The following SMYD3 variants were observed in gnomAD, a reference collection of about 807,000 sequenced individuals.
SMYD3 encodes SET and MYND domain containing 3, also known as histone-lysine N-methyltransferase SMYD3.
Under a neutral mutation model 57.7 loss-of-function variants are expected in SMYD3, and 36 were observed. The observed-to-expected ratio is 0.62, with a 90% CI of 0.48 to 0.82. The LOEUF is 0.82. Ranked by LOEUF, SMYD3 falls within the 40% of genes least tolerant of loss-of-function variation. The pLI, the probability that SMYD3 is intolerant of heterozygous loss-of-function variation, is 0.00. For missense variants in SMYD3, 515 were observed against 538.8 expected (o/e 0.96, Z 0.44); for synonymous variants, 211 against 195.0 (o/e 1.08, Z -0.68).
At chr1:245,791,456 CTG>C (rs574929696) in intron 10 of SMYD3, among the ~76,000 whole-genome samples, 131 of 152,306 alleles carry the variant, frequency 8.6e-4, no homozygotes, top group African/African-American at 2.8e-3. Context: ...CATGGTGACA[CTG>C]TGTCTCTGCT....
At chr1:246,307,019 T>C (rs2064991088) in intron 5 of SMYD3, among the ~76,000 whole-genome samples, 1 of 152,200 alleles carries the variant, frequency 6.6e-6, no homozygotes, top group Non-Finnish European at 1.5e-5. Flanking sequence ...AGCTTTTCAT[T>C]CAGAGCAATA....
At chr1:246,235,198 A>G (rs1247986359) in intron 5 of SMYD3, among the ~76,000 whole-genome samples, 1 of 152,190 alleles carries the variant, frequency 6.6e-6, no homozygotes. Flanking sequence ...AAAAGACAGG[A>G]GTTAATACCG....
At chr1:246,396,956 T>C (rs573974505) in intron 1 of SMYD3, among the ~76,000 whole-genome samples, 77 of 152,294 alleles carry the variant, frequency 5.1e-4, no homozygotes, top group Admixed American at 3.4e-3. Context: ...ACAGCAACAA[T>C]ATTTATTTAC....
chr1:245,933,379 T>C (rs2056831046), intron 5 of SMYD3, among the ~76,000 whole-genome samples: 1 of 152,204 alleles, frequency 6.6e-6, no homozygotes, highest in African/African-American at 2.4e-5. Context: ...ATTTTTACCA[T>C]GTCTTAAAAC....
At chr1:245,951,188 C>T (rs1469284079) in intron 5 of SMYD3, among the ~76,000 whole-genome samples, 1 of 151,972 alleles carries the variant, frequency 6.6e-6, no homozygotes, top group African/African-American at 2.4e-5. Flanking sequence ...AAAATACCAG[C>T]GGAGTCCACG....
At chr1:246,069,185 T>A (rs1295358932) in intron 5 of SMYD3, among the ~76,000 whole-genome samples, 1 of 152,188 alleles carries the variant, frequency 6.6e-6, no homozygotes, top group Non-Finnish European at 1.5e-5. Flanking sequence ...GTCATGACCT[T>A]GTAGCTGCCT....
chr1:246,278,430 T>C (rs931548377), intron 5 of SMYD3, among the ~76,000 whole-genome samples: 3 of 152,176 alleles, frequency 2.0e-5, no homozygotes, highest in Non-Finnish European at 4.4e-5. Flanking sequence ...TTACATTTCA[T>C]AAAACTCCAT....
chr1:246,330,609 AC>A, intron 3 of SMYD3, 72 bp from the exon 4 acceptor site: 1 of 1,274,142 alleles, frequency 7.8e-7, no homozygotes. Flanking sequence ...AAGTTTGAGT[AC>A]CTTTGTATAT....
Position 246,203,252 on chromosome 1 carries a change from T to A in SMYD3, c.531+123949A>T, listed in dbSNP as rs1046692482. Among the ~76,000 whole-genome samples, 1 of 152,148 alleles carries A rather than the reference T, an allele frequency of 6.6e-6. No individual in the cohort carries two copies. The highest frequency in any genetic ancestry group is 6.5e-5 in the Admixed American group (1 of 15,284). On this transcript the variant is annotated intron_variant, in intron 5 of 11. Coordinates refer to ENST00000490107, the MANE Select transcript of SMYD3 (RefSeq NM_001167740.2). The surrounding 1 kb of genome is among the most constrained non-coding windows in gnomAD (Gnocchi z 4.6). Reference sequence around the variant, plus strand: ...CCTCTCACTGGTCCTTCAGTGAAATTAATTCAATAAATATCCACAGAGCTT... The same window carrying A: ...CCTCTCACTGGTCCTTCAGTGAAATAAATTCAATAAATATCCACAGAGCTT...
intron 5 of SMYD3, among the ~76,000 whole-genome samples, chr1:246,184,458 G>T (rs868541571): frequency 2.6e-5 from 4 of 152,302 alleles, no homozygotes; most frequent in Middle Eastern, 3.4e-3. Context: ...CTCCTCTGGG[G>T]AGACTACTTC....
At chr1:246,417,955 A>G (rs2067087454) in intron 1 of SMYD3, among the ~76,000 whole-genome samples, 1 of 152,232 alleles carries the variant, frequency 6.6e-6, no homozygotes, top group Non-Finnish European at 1.5e-5. Flanking sequence ...GCAGATAGTC[A>G]GCTTCTGGGG....
intron 1 of SMYD3, among the ~76,000 whole-genome samples, chr1:246,423,569 C>G (rs965751897): frequency 6.6e-6 from 1 of 151,986 alleles, no homozygotes; most frequent in African/African-American, 2.4e-5. Context: ...GATGTGGAGA[C>G]GCACACCTGC....
At chr1:246,121,196 C>A (rs1277053883) in intron 5 of SMYD3, among the ~76,000 whole-genome samples, 3 of 151,214 alleles carry the variant, frequency 2.0e-5, no homozygotes, top group African/African-American at 7.3e-5. Context: ...TTTACTAGGA[C>A]ATTATCCTAA....
rs35610259 is a variant in SMYD3 at position 245,917,034 on chromosome 1, T to TAA, written c.703-1396_703-1395dup. Among the ~76,000 whole-genome samples the TAA allele has an allele frequency of 3.8e-3, 556 of 144,432 alleles. 3 individuals are homozygous for TAA. Among genetic ancestry groups the TAA allele is most frequent in the African/African-American group, 9.5e-3 (374 of 39,444 alleles). The allele number at this position is 144,432 out of a possible 152,430, so 94.8% of individuals were successfully genotyped here. On this transcript the variant is annotated intron_variant, in intron 7 of 11. Coordinates refer to ENST00000490107, the MANE Select transcript of SMYD3 (RefSeq NM_001167740.2). Reference sequence around the variant, plus strand: ...ACTCTAATAATAAAACATTGGGCTTTAAAAAAAAAAAAAAAGACAGGGTCT... The same window carrying TAA: ...ACTCTAATAATAAAACATTGGGCTTTAAAAAAAAAAAAAAAAAGACAGGGTCT...
chr1:245,778,721 A>G (rs180691317), intron 10 of SMYD3, among the ~76,000 whole-genome samples: 11 of 152,356 alleles, frequency 7.2e-5, no homozygotes, highest in Non-Finnish European at 1.5e-5. Context: ...AAACTCGTAA[A>G]AATTTTAGAA....
At chr1:246,220,396 C>A (rs2063234756) in intron 5 of SMYD3, among the ~76,000 whole-genome samples, 1 of 150,530 alleles carries the variant, frequency 6.6e-6, no homozygotes, top group Non-Finnish European at 1.5e-5. Context: ...AGACCTGGGA[C>A]TCCTGCTCCA....
chr1:246,050,476 C>T lies in SMYD3; in HGVS notation c.532-120539G>A, dbSNP rs890823606. 2.0e-5 allele frequency among the ~76,000 whole-genome samples: 3 copies of T among 152,170 alleles called. No homozygotes were observed. In the East Asian group the frequency reaches 5.8e-4, roughly 29 times the overall value. On this transcript the variant is annotated intron_variant, in intron 5 of 11. Transcript: ENST00000490107. ...AAGGTAGTCTGCCTAGAGGAACAAT[C>T]TCTATCACTGTTGAGGAAGAAAGCC...
At chr1:246,156,834 A>G (rs1014609105) in intron 5 of SMYD3, among the ~76,000 whole-genome samples, 3 of 152,196 alleles carry the variant, frequency 2.0e-5, no homozygotes, top group Admixed American at 1.3e-4. Flanking sequence ...TACCTACACT[A>G]AAAAGGAAAT....
intron 8 of SMYD3, among the ~76,000 whole-genome samples, chr1:245,912,625 C>T (rs1459960646): frequency 1.3e-5 from 2 of 151,598 alleles, no homozygotes; most frequent in Admixed American, 6.6e-5. Context: ...GTTATACTAA[C>T]AAAAAAAACA....
Sources: allele counts gnomAD v4.1 joint callset (sites outside exome capture counted in the v4.1 genomes callset), GRCh38; gene constraint gnomAD v4.1.1; non-coding constraint Gnocchi (gnomAD v3.1); transcripts MANE v1.5; gene names NCBI Gene and HGNC (gene_info 2026-07-23, HGNC 2026-07-21).